Variants in TTC29 observed in about 807,000 individuals in gnomAD.
The protein encoded by TTC29 is tetratricopeptide repeat protein 29.
In TTC29, 49 loss-of-function variants were observed where a neutral mutation model predicts 58.1. The ratio of observed to expected loss-of-function variants is 0.84; its 90% CI spans 0.67 to 1.07. The LOEUF (loss-of-function observed/expected upper bound fraction) is 1.07. TTC29 is among the 50% of genes least tolerant of loss of function. The pLI is 0.00. For missense variants in TTC29, 582 were observed against 555.6 expected (o/e 1.05, Z -0.48); for synonymous variants, 209 against 196.8 (o/e 1.06, Z -0.52).
intron 11 of TTC29, among the ~76,000 whole-genome samples, chr4:146,795,730 C>CT (rs1422429342): frequency 2.0e-5 from 3 of 152,240 alleles, no homozygotes; most frequent in East Asian, 1.9e-4. Flanking sequence ...CATATTGCTT[C>CT]TTTTTTCAGA....
At chr4:146,883,648 A>G (rs1731783914) in intron 6 of TTC29, among the ~76,000 whole-genome samples, 1 of 152,084 alleles carries the variant, frequency 6.6e-6, no homozygotes, top group Admixed American at 6.6e-5. Flanking sequence ...CCTCCTGAAC[A>G]GTTTATTCAG....
At chr4:146,919,167 G>A (rs1734424982) in intron 4 of TTC29, among the ~76,000 whole-genome samples, 1 of 151,040 alleles carries the variant, frequency 6.6e-6, no homozygotes, top group Admixed American at 6.6e-5. Flanking sequence ...TGTTAAAGGA[G>A]AATTTTTCAG....
In TTC29 at chr4:146,909,258, A is replaced by G; in HGVS notation, c.177-9T>C. On this transcript the variant is annotated splice_polypyrimidine_tract_variant and intron_variant, in intron 4 of 12. Transcript: ENST00000325106. ...TGTAGGAGTTCCTATAACTGGAAAT[A>G]TGAATCAGAACACTCTCAGGTTTAT... 6.3e-7 allele frequency: 1 copy of G among 1,587,336 alleles called. No individual in the cohort carries two copies. Among genetic ancestry groups the G allele is most frequent in the African/African-American group, 1.3e-5 (1 of 74,464 alleles).
rs140258865 is a variant in TTC29 at position 146,710,361 on chromosome 4, C to T, written c.1331-2810G>A. 3.6e-3 allele frequency among the ~76,000 whole-genome samples: 542 copies of T among 152,280 alleles called. 4 individuals carry two copies. The highest frequency in any genetic ancestry group is 0.014 in the Middle Eastern group (4 of 294). On this transcript the variant is annotated intron_variant, in intron 11 of 12. Transcript: ENST00000325106. ...ATAGTAAAGGTAATGCATTGCACCACAGTGTTATGATGGCTAAAATGTCAC... is the reference window on the plus strand; with the variant it reads ...ATAGTAAAGGTAATGCATTGCACCATAGTGTTATGATGGCTAAAATGTCAC...
At position 146,707,031 on chromosome 4, in the gene TTC29, A is replaced by G; in HGVS notation, c.*127T>C. The stretch of plus-strand genomic sequence containing the variant: ...GTAACACACTGAAATGCAAAATCCA[A>G]TGAAAAGAGTCATAGTCCGTTTTAT... On this transcript the variant is annotated 3_prime_UTR_variant, in exon 13 of 13. Coordinates refer to ENST00000325106, the MANE Select transcript of TTC29 (RefSeq NM_031956.4). 1.7e-6 allele frequency: 1 copy of G among 592,106 alleles called. No homozygotes were observed. Among genetic ancestry groups the G allele is most frequent in the African/African-American group, 1.9e-5 (1 of 51,520 alleles). 36.7% of individuals were successfully genotyped at this position (592,106 alleles called of 1,614,324 possible). A position where few individuals can be genotyped will look rare whatever the true frequency, so the allele number is the denominator to read the frequency against.
chr4:146,891,694 G>A (rs962405762), intron 6 of TTC29, among the ~76,000 whole-genome samples: 2 of 152,140 alleles, frequency 1.3e-5, no homozygotes, highest in African/African-American at 4.8e-5. Context: ...GCAGATACTG[G>A]TGTGCTTTTA....
intron 4 of TTC29, among the ~76,000 whole-genome samples, chr4:146,922,133 T>G (rs1370222382): frequency 6.6e-6 from 1 of 151,234 alleles, no homozygotes; most frequent in African/African-American, 2.4e-5. Flanking sequence ...TTTCACATAT[T>G]TAGAATTGAA....
At chr4:146,901,777 T>C (rs1445108151) in intron 6 of TTC29, among the ~76,000 whole-genome samples, 2 of 152,218 alleles carry the variant, frequency 1.3e-5, no homozygotes, top group Non-Finnish European at 2.9e-5. Flanking sequence ...ATCCCCTTGC[T>C]CTACTTTATT....
chr4:146,898,018 G>T (rs1281057671), intron 6 of TTC29, among the ~76,000 whole-genome samples: 1 of 152,174 alleles, frequency 6.6e-6, no homozygotes, highest in Non-Finnish European at 1.5e-5. Context: ...AGTAAAATAA[G>T]TTGCTAAAGA....
chr4:146,774,363 T>A (rs1323177247), intron 11 of TTC29, among the ~76,000 whole-genome samples: 1 of 152,174 alleles, frequency 6.6e-6, no homozygotes, highest in Non-Finnish European at 1.5e-5. Context: ...ATGTGGGTGT[T>A]CAGCCTATAA....
intron 6 of TTC29, among the ~76,000 whole-genome samples, chr4:146,891,412 A>G (rs1035458417): frequency 6.6e-6 from 1 of 152,168 alleles, no homozygotes; most frequent in African/African-American, 2.4e-5. Flanking sequence ...CTTTGACCGT[A>G]GCCAATAATT....
intron 11 of TTC29, among the ~76,000 whole-genome samples, chr4:146,718,964 C>T (rs894260900): frequency 4.6e-5 from 7 of 152,050 alleles, no homozygotes; most frequent in African/African-American, 1.7e-4. Context: ...AGAGACTGTC[C>T]TTTTTCTATT....
chr4:146,771,390 T>G (rs2150074354), intron 11 of TTC29, among the ~76,000 whole-genome samples: 1 of 152,150 alleles, frequency 6.6e-6, no homozygotes, highest in East Asian at 1.9e-4. Flanking sequence ...ATAGGTAGTT[T>G]TTCAATCCTG....
intron 7 of TTC29, among the ~76,000 whole-genome samples, chr4:146,870,876 C>A (rs1302911247): frequency 6.6e-6 from 1 of 151,884 alleles, no homozygotes; most frequent in African/African-American, 2.4e-5. Context: ...AAAAGGCTAG[C>A]CAGGCTCAGA....
intron 5 of TTC29, among the ~76,000 whole-genome samples, chr4:146,906,074 T>C (rs10519832): frequency 0.075 from 11,455 of 152,174 alleles, 1,454 homozygotes; most frequent in African/African-American, 0.26. Flanking sequence ...TTACCATTTT[T>C]GTCATCTCTT....
At chr4:146,927,875 T>G (rs944014374) in intron 4 of TTC29, among the ~76,000 whole-genome samples, 1 of 152,120 alleles carries the variant, frequency 6.6e-6, no homozygotes, top group Admixed American at 6.6e-5. Flanking sequence ...GGGTTCTCAT[T>G]CCTGTGAGGT....
At chr4:146,724,519 A>C (rs974428408) in intron 11 of TTC29, among the ~76,000 whole-genome samples, 10 of 151,688 alleles carry the variant, frequency 6.6e-5, no homozygotes, top group Non-Finnish European at 1.5e-4. Flanking sequence ...TTTTATGTTC[A>C]ACTTCTTTTT....
rs1749030132 is a variant in TTC29, at chr4:146,786,541, A to T, written c.1330+16916T>A. The stretch of plus-strand genomic sequence containing the variant: ...CAGGTTCTACTCTAAACCTCAAGGC[A>T]GTCTCATAGAACAGCCTTCTGTACA... On this transcript the variant is annotated intron_variant, in intron 11 of 12. Transcript: ENST00000325106. Among the ~76,000 whole-genome samples the T allele has an allele frequency of 2.0e-5, 3 of 152,214 alleles. No homozygotes were observed. In the South Asian group the frequency reaches 6.2e-4, roughly 32 times the overall value.
At chr4:146,740,448 T>C (rs891717886) in intron 11 of TTC29, among the ~76,000 whole-genome samples, 1 of 152,096 alleles carries the variant, frequency 6.6e-6, no homozygotes, top group African/African-American at 2.4e-5. Flanking sequence ...TTATTATTAT[T>C]ATACTTTAAG....
Sources: allele counts gnomAD v4.1 joint callset (sites outside exome capture counted in the v4.1 genomes callset), GRCh38; gene constraint gnomAD v4.1.1; transcripts MANE v1.5; gene names NCBI Gene and HGNC (gene_info 2026-07-23, HGNC 2026-07-21).